SAMMSON: variants seen among roughly 807,000 people sequenced by gnomAD.
The protein encoded by SAMMSON is survival associated mitochondrial melanoma specific oncogenic non-coding RNA, also known as long intergenic non-protein coding RNA 1212.
At chr3:70,404,843 T>A (rs1437675537) in intron 2 of SAMMSON, among the ~76,000 whole-genome samples, 1 of 151,488 alleles carries the variant, frequency 6.6e-6, no homozygotes, top group Non-Finnish European at 1.5e-5. Context: ...GAGCCCAGAG[T>A]TTGGCAAGCT....
At chr3:70,167,943 A>G (rs1214809187) in intron 4 of SAMMSON, among the ~76,000 whole-genome samples, 1 of 151,994 alleles carries the variant, frequency 6.6e-6, no homozygotes, top group Non-Finnish European at 1.5e-5. Flanking sequence ...ACTACATCTG[A>G]ATATGGAAAA....
intron 4 of SAMMSON, chr3:70,125,088 T>C: frequency 1.0e-6 from 1 of 974,204 alleles, no homozygotes; most frequent in South Asian, 1.4e-5. Context: ...TTTCCTTCCT[T>C]AGGATCTGGT....
chr3:70,067,590 A>C (rs949486434), intron 3 of SAMMSON, among the ~76,000 whole-genome samples: 2 of 152,120 alleles, frequency 1.3e-5, no homozygotes, highest in African/African-American at 4.8e-5. Flanking sequence ...GTAAAAGAAG[A>C]TAAACTTTCA....
chr3:70,403,159 T>A (rs1233753092), intron 2 of SAMMSON, among the ~76,000 whole-genome samples: 1 of 152,088 alleles, frequency 6.6e-6, no homozygotes, highest in Non-Finnish European at 1.5e-5. Context: ...TGAAATCAAA[T>A]GATGGTCTTA....
At chr3:70,263,741 C>T (rs970220350) in intron 6 of SAMMSON, among the ~76,000 whole-genome samples, 1 of 152,134 alleles carries the variant, frequency 6.6e-6, no homozygotes, top group African/African-American at 2.4e-5. Context: ...TCTGCCTCCC[C>T]AAATTTCAAT....
At chr3:70,082,293 A>G (rs2067270386) in intron 4 of SAMMSON, among the ~76,000 whole-genome samples, 1 of 152,186 alleles carries the variant, frequency 6.6e-6, no homozygotes, top group African/African-American at 2.4e-5. Flanking sequence ...CATATAACAA[A>G]TAATGTCGAT....
intron 3 of SAMMSON, among the ~76,000 whole-genome samples, chr3:70,025,469 C>T (rs1026862518): frequency 2.0e-5 from 3 of 152,182 alleles, no homozygotes; most frequent in Non-Finnish European, 4.4e-5. Flanking sequence ...TCTTGAACTC[C>T]TGACCTCAGG....
At chr3:70,299,405 C>T (rs533494056) in intron 7 of SAMMSON, among the ~76,000 whole-genome samples, 128 of 152,122 alleles carry the variant, frequency 8.4e-4, no homozygotes, top group African/African-American at 2.9e-3. Context: ...TAATTTTTTT[C>T]CATTTTCATA....
chr3:70,172,550 A>C (rs1700967566), intron 4 of SAMMSON: 1 of 151,972 alleles, frequency 6.6e-6, no homozygotes, highest in Non-Finnish European at 1.5e-5. Flanking sequence ...AGTAACAATA[A>C]ATTGCTTGGA....
intron 2 of SAMMSON, among the ~76,000 whole-genome samples, chr3:70,428,938 G>T (rs1701392351): frequency 6.6e-6 from 1 of 152,112 alleles, no homozygotes; most frequent in Non-Finnish European, 1.5e-5. Context: ...TTGCCCTTAT[G>T]GAACTTTAGA....
chr3:70,084,245 T>C (rs1476014412), intron 4 of SAMMSON, among the ~76,000 whole-genome samples: 1 of 152,144 alleles, frequency 6.6e-6, no homozygotes, highest in Non-Finnish European at 1.5e-5. Flanking sequence ...GCCTGGAGAC[T>C]GTTTATTAGG....
chr3:70,292,680 A>G (rs1702250046), intron 7 of SAMMSON, among the ~76,000 whole-genome samples: 1 of 152,198 alleles, frequency 6.6e-6, no homozygotes, highest in Non-Finnish European at 1.5e-5. Context: ...TCATTTCCAA[A>G]TGTTTTCTCT....
At chr3:70,389,906 T>C (rs145887866), downstream of SAMMSON, 68 of 152,172 alleles carry the variant, frequency 4.5e-4, 2 homozygotes, top group East Asian at 0.011. Flanking sequence ...AAGAAAGAAA[T>C]TGGAGACAAT....
At chr3:70,116,641 C>G (rs896457250) in intron 4 of SAMMSON, among the ~76,000 whole-genome samples, 1 of 151,938 alleles carries the variant, frequency 6.6e-6, no homozygotes, top group African/African-American at 2.4e-5. Context: ...TCTGAAAAGA[C>G]CCGTCTGAAT....
At chr3:70,119,347 G>A (rs749197974) in intron 4 of SAMMSON, among the ~76,000 whole-genome samples, 14 of 152,188 alleles carry the variant, frequency 9.2e-5, no homozygotes, top group Non-Finnish European at 1.8e-4. Flanking sequence ...GATTACAGGC[G>A]TGAGCCACTG....
intron 4 of SAMMSON, among the ~76,000 whole-genome samples, chr3:70,118,385 AG>A (rs1457954721): frequency 6.6e-6 from 1 of 152,208 alleles, no homozygotes; most frequent in Non-Finnish European, 1.5e-5. Flanking sequence ...ACCATTAAAA[AG>A]TTTATGTTGA....
At chr3:70,425,129 G>A (rs907795726) in intron 2 of SAMMSON, 6 of 152,142 alleles carry the variant, frequency 3.9e-5, no homozygotes, top group Admixed American at 2.0e-4. Flanking sequence ...TGTGTCAAGC[G>A]ATCAGTGTTC....
intron 3 of SAMMSON, chr3:70,014,024 A>G (rs1396765351): frequency 6.6e-6 from 1 of 152,160 alleles, no homozygotes; most frequent in African/African-American, 2.4e-5. Flanking sequence ...TAGCGTTTGA[A>G]CATTGTTACC....
At chr3:70,286,666 T>C (rs139802436) in intron 6 of SAMMSON, among the ~76,000 whole-genome samples, 32,582 of 151,454 alleles carry the variant, frequency 0.22, 3,788 homozygotes, top group African/African-American at 0.29. Context: ...GCCATTTTCA[T>C]GATATTGATT....
Sources: gnomAD v4.1 joint callset for allele counts (sites outside exome capture counted in the v4.1 genomes callset) on GRCh38, gnomAD v4.1.1 for gene constraint, MANE v1.5 for transcripts, NCBI Gene and HGNC (gene_info 2026-07-23, HGNC 2026-07-21) for gene names.